Variants in C6 observed in about 807,000 individuals in gnomAD.
The protein encoded by C6 is complement component C6.
In C6, 101 loss-of-function variants were observed where a neutral mutation model predicts 112.9. That is an observed-to-expected ratio of 0.89 (90% CI 0.76 to 1.06). The LOEUF (loss-of-function observed/expected upper bound fraction) is 1.06, where lower values mean the gene tolerates loss of function less well. Ranked by LOEUF, C6 falls within the 50% of genes least tolerant of loss-of-function variation. C6 has a pLI of 0.00. For missense variants in C6, 1,202 were observed against 1,104.6 expected (o/e 1.09, Z -1.25); for synonymous variants, 431 against 384.1 (o/e 1.12, Z -1.43).
intron 9 of C6, among the ~76,000 whole-genome samples, chr5:41,164,085 T>C (rs1176273953): frequency 8.5e-6 from 1 of 117,958 alleles, no homozygotes; most frequent in Admixed American, 1.0e-4. Flanking sequence ...TAAACAAGGA[T>C]GGAAAAGAAG....
chr5:41,195,968 A>G (rs1431547110), intron 4 of C6, 35 bp from the exon 5 acceptor site: 5 of 1,611,472 alleles, frequency 3.1e-6, no homozygotes, highest in Non-Finnish European at 3.4e-6. Context: ...CAATGCAACA[A>G]ATTATCATTT....
intron 1 of C6, among the ~76,000 whole-genome samples, chr5:41,235,382 C>T (rs1464839088): frequency 1.4e-5 from 2 of 145,712 alleles, no homozygotes; most frequent in African/African-American, 5.2e-5. Flanking sequence ...CAATTTCATC[C>T]ATGTCCCTAC....
intron 1 of C6, among the ~76,000 whole-genome samples, chr5:41,246,817 T>C (rs1166530028): frequency 6.6e-6 from 1 of 152,168 alleles, no homozygotes; most frequent in Non-Finnish European, 1.5e-5. Flanking sequence ...GATGACTGTA[T>C]GTTTGAGCTA....
At position 41,205,375 on chromosome 5, in the gene C6, C is replaced by T. The variant is rs542630811; in HGVS notation, c.-20-2125G>A. 1.5e-4 allele frequency among the ~76,000 whole-genome samples: 23 copies of T among 152,280 alleles called. No individual in the cohort carries two copies. In the South Asian group the frequency reaches 2.9e-3, roughly 19 times the overall value. ...CTGGGTTCATCTCACTGGGGCTTGT[C>T]GGACAGTGGGCGCAGTCCATGGAGT... On this transcript the variant is annotated intron_variant, in intron 1 of 17. Coordinates refer to ENST00000337836, the MANE Select transcript of C6 (RefSeq NM_000065.5).
intron 5 of C6, among the ~76,000 whole-genome samples, chr5:41,186,980 T>C (rs1298882017): frequency 6.6e-6 from 1 of 151,974 alleles, no homozygotes; most frequent in African/African-American, 2.4e-5. Context: ...ATATGTATTC[T>C]GTGAAAAAAG....
chr5:41,176,860 A>G (rs1482064136), intron 7 of C6, 145 bp from the exon 8 acceptor site: 12 of 813,698 alleles, frequency 1.5e-5, no homozygotes, highest in Non-Finnish European at 2.1e-5. Context: ...GTTCTCACGT[A>G]CAAAATTATA....
rs577502421 is a variant in C6, at chr5:41,230,863, A to AAATAGAAAAG, written c.-20-27623_-20-27614dup. Among the ~76,000 whole-genome samples, 29 of 152,288 alleles carry AAATAGAAAAG rather than the reference A, an allele frequency of 1.9e-4. 1 individual carries two copies. The South Asian group carries it at 5.6e-3, about 29-fold the overall frequency. ...TCTCAGACTGGCTGACACTTAGAGA[A>AAATAGAAAAG]AATAGAAAAGAACCTACATTGAAAT... On this transcript the variant is annotated intron_variant, in intron 1 of 17. Coordinates refer to the C6 transcript ENST00000263413.
At chr5:41,247,564 A>G (rs1365617937) in intron 1 of C6, among the ~76,000 whole-genome samples, 1 of 152,078 alleles carries the variant, frequency 6.6e-6, no homozygotes, top group African/African-American at 2.4e-5. Flanking sequence ...AAAAATAGAA[A>G]AAAATTAGCT....
At chr5:41,150,455 T>A (rs1338527844) in intron 15 of C6, among the ~76,000 whole-genome samples, 1 of 152,144 alleles carries the variant, frequency 6.6e-6, no homozygotes, top group Admixed American at 6.6e-5. Context: ...AATATAAATA[T>A]AGAATTGTTG....
intron 1 of C6, among the ~76,000 whole-genome samples, chr5:41,228,723 TTG>T (rs1401823724): frequency 2.6e-5 from 4 of 152,188 alleles, no homozygotes; most frequent in Non-Finnish European, 4.4e-5. Flanking sequence ...AATATGGTTT[TTG>T]TTTTTCCTTA....
intron 1 of C6, among the ~76,000 whole-genome samples, chr5:41,204,890 C>T (rs573922930): frequency 6.6e-6 from 1 of 151,992 alleles, no homozygotes; most frequent in African/African-American, 2.4e-5. Flanking sequence ...AGGGTGGTCT[C>T]GATCTCCTGA....
At chr5:41,221,263 A>G (rs756521911) in intron 1 of C6, among the ~76,000 whole-genome samples, 8 of 152,146 alleles carry the variant, frequency 5.3e-5, no homozygotes, top group Non-Finnish European at 1.2e-4. Context: ...AAACTCTACA[A>G]TACACTGTCA....
chr5:41,159,365 A>T, intron 11 of C6, 112 bp from the exon 12 acceptor site: 1 of 1,492,396 alleles, frequency 6.7e-7, no homozygotes, highest in South Asian at 1.3e-5. Context: ...CCTTTGTGGG[A>T]TATGATAGGG....
intron 1 of C6, 125 bp from the exon 2 acceptor site, chr5:41,203,375 G>T (rs960974425): frequency 1.1e-6 from 1 of 891,856 alleles, no homozygotes; most frequent in Non-Finnish European, 1.8e-6. Context: ...CTTCCTTAAG[G>T]CAAGTCAACA....
chr5:41,186,167 T>C lies in C6; in HGVS notation c.629A>G (p.Asp210Gly), dbSNP rs755742267. 87 of 1,613,978 alleles carry C rather than the reference T, an allele frequency of 5.4e-5. No individual in the cohort carries two copies. Among genetic ancestry groups the C allele is most frequent in the Non-Finnish European group, 7.3e-5 (86 of 1,179,912 alleles). ...ACATATTCCTCCAGTGAAAGAGTTA[T>C]CAAGGACTTCTCCTCTGGGCTCTCC... ...LAGEPRGEVL[D>G]NSFTGGICKT... Residue 210 changes from aspartate (D) to glycine (G), a missense_variant, in exon 6 of 18, where the codon GAT becomes GGT. Physicochemically the swap from Asp to Gly is moderately conservative, Grantham distance 94 (BLOSUM62 -1). Coordinates refer to ENST00000337836, the MANE Select transcript of C6 (RefSeq NM_000065.5).
intron 9 of C6, among the ~76,000 whole-genome samples, chr5:41,167,203 A>G (rs1041685310): frequency 2.6e-5 from 4 of 152,120 alleles, no homozygotes; most frequent in African/African-American, 9.7e-5. Context: ...ACTTTTATAA[A>G]TCTAGCAAAA....
intron 17 of C6, among the ~76,000 whole-genome samples, chr5:41,145,921 A>G (rs187834013): frequency 1.6e-3 from 247 of 152,294 alleles, no homozygotes; most frequent in African/African-American, 5.5e-3. Context: ...TACCAGCACC[A>G]AAAGACCCTT....
chr5:41,200,867 G>T (rs1001703152), intron 3 of C6, among the ~76,000 whole-genome samples: 1 of 98,648 alleles, frequency 1.0e-5, no homozygotes, highest in Non-Finnish European at 2.1e-5. Flanking sequence ...CTGAAACCCT[G>T]TTTTTGTTGT....
At chr5:41,237,297 T>A in intron 1 of C6, among the ~76,000 whole-genome samples, 1 of 55,688 alleles carries the variant, frequency 1.8e-5, no homozygotes, top group Non-Finnish European at 3.5e-5. Context: ...TAGACCAATA[T>A]CCTTGATGAA....
Sources: allele counts gnomAD v4.1 joint callset (sites outside exome capture counted in the v4.1 genomes callset), GRCh38; gene constraint gnomAD v4.1.1; transcripts MANE v1.5; gene names NCBI Gene and HGNC (gene_info 2026-07-23, HGNC 2026-07-21).